Variants in PPP2R2B observed in about 807,000 individuals in gnomAD.
PPP2R2B encodes protein phosphatase 2 regulatory subunit Bbeta, also known as serine/threonine-protein phosphatase 2A 55 kDa regulatory subunit B beta isoform.
PPP2R2B carries 5 observed loss-of-function variants against 46.0 expected under a neutral mutation model. The ratio of observed to expected loss-of-function variants is 0.11; its 90% CI spans 0.06 to 0.23. The LOEUF is 0.23. Among genes scored for constraint, PPP2R2B ranks in the 10% least tolerant of loss-of-function variants. The pLI is 1.00. For missense variants in PPP2R2B, 367 were observed against 575.0 expected (o/e 0.64, Z 3.70); for synonymous variants, 215 against 206.7 (o/e 1.04, Z -0.34).
rs139586199 is a variant in PPP2R2B at position 146,706,558 on chromosome 5, C to T, written c.71-5416G>A. Reference sequence around the variant, plus strand: ...TACTTGGTCTGCTGAAGGGCGGCCTCCAGCTCGGACAGCTTAGCGTTGGCA... The same window carrying T: ...TACTTGGTCTGCTGAAGGGCGGCCTTCAGCTCGGACAGCTTAGCGTTGGCA... On this transcript the variant is annotated intron_variant, in intron 2 of 9. Coordinates refer to ENST00000394411, the MANE Select transcript of PPP2R2B (RefSeq NM_181675.4). 1.1e-3 allele frequency: 1,096 copies of T among 966,974 alleles called. 1 individual carries two copies. The highest frequency in any genetic ancestry group is 1.6e-3 in the Non-Finnish European group (990 of 613,364). The allele number at this position is 966,974 out of a possible 1,614,324, so 59.9% of individuals were successfully genotyped here. A position where few individuals can be genotyped will look rare whatever the true frequency, so the allele number is the denominator to read the frequency against.
In PPP2R2B at chr5:146,738,474, T is replaced by G. The variant is rs182424309; in HGVS notation, c.71-37332A>C. Reference sequence around the variant, plus strand: ...GACTTTAAACGTCATCTTATTTTATTCATAATTTGGTACTAAATTACATAC... The same window carrying G: ...GACTTTAAACGTCATCTTATTTTATGCATAATTTGGTACTAAATTACATAC... On this transcript the variant is annotated intron_variant, in intron 2 of 9. Coordinates refer to ENST00000394411, the MANE Select transcript of PPP2R2B (RefSeq NM_181675.4). Among the ~76,000 whole-genome samples the G allele has an allele frequency of 7.9e-4, 121 of 152,234 alleles. 1 individual carries two copies. In the East Asian group the frequency reaches 0.014, roughly 18 times the overall value.
At chr5:146,906,108 A>ACAGTTTC (rs1762987532) in intron 1 of PPP2R2B, among the ~76,000 whole-genome samples, 1 of 152,096 alleles carries the variant, frequency 6.6e-6, no homozygotes, top group Non-Finnish European at 1.5e-5. Context: ...TCTAGTAAAG[A>ACAGTTTC]TATATTGTCT....
intron 5 of PPP2R2B, among the ~76,000 whole-genome samples, chr5:146,670,561 T>C (rs1777282708): frequency 1.3e-5 from 2 of 152,108 alleles, no homozygotes; most frequent in East Asian, 1.9e-4. Context: ...AGTGGCGCAA[T>C]GTCGGCTCAC....
intron 1 of PPP2R2B, among the ~76,000 whole-genome samples, chr5:147,040,022 A>G (rs1042485654): frequency 2.0e-5 from 3 of 152,146 alleles, no homozygotes; most frequent in African/African-American, 4.8e-5. Context: ...ATCTTATTTC[A>G]TTTGTTGACC....
upstream of PPP2R2B, among the ~76,000 whole-genome samples, chr5:146,883,750 C>A (rs1227227471): frequency 1.3e-5 from 2 of 152,238 alleles, no homozygotes; most frequent in Non-Finnish European, 2.9e-5. Context: ...CATGCTACAA[C>A]ATGTAATGCC....
chr5:146,935,679 G>A (rs1363144505), intron 1 of PPP2R2B, among the ~76,000 whole-genome samples: 1 of 152,066 alleles, frequency 6.6e-6, no homozygotes, highest in African/African-American at 2.4e-5. Context: ...AGTAAAGAGG[G>A]CAAGAAAAGA....
intron 1 of PPP2R2B, chr5:146,917,959 T>A (rs1763453759): frequency 6.6e-6 from 1 of 152,258 alleles, no homozygotes; most frequent in African/African-American, 2.4e-5. Flanking sequence ...CATGTCATTA[T>A]GCAAGCTATC....
intron 1 of PPP2R2B, among the ~76,000 whole-genome samples, chr5:146,960,614 A>T (rs903915150): frequency 2.0e-5 from 3 of 152,180 alleles, no homozygotes; most frequent in Non-Finnish European, 4.4e-5. Context: ...GAAGCACAGT[A>T]ATTAGAATGG....
intron 5 of PPP2R2B, among the ~76,000 whole-genome samples, chr5:146,651,672 G>A (rs1259587754): frequency 1.3e-5 from 2 of 152,166 alleles, no homozygotes; most frequent in Non-Finnish European, 2.9e-5. Context: ...ACACAGGTGT[G>A]GTCACTTAAT....
intron 1 of PPP2R2B, among the ~76,000 whole-genome samples, chr5:146,984,289 C>T (rs1482667932): frequency 6.6e-6 from 1 of 152,310 alleles, no homozygotes; most frequent in Admixed American, 6.5e-5. Context: ...ATTCTACTCT[C>T]TGCTTCTATG....
At chr5:147,000,785 G>C (rs890336485) in intron 1 of PPP2R2B, among the ~76,000 whole-genome samples, 1 of 151,998 alleles carries the variant, frequency 6.6e-6, no homozygotes, top group African/African-American at 2.4e-5. Context: ...TTTTAGCAGT[G>C]AGCACCATCA....
intron 7 of PPP2R2B, among the ~76,000 whole-genome samples, chr5:146,629,614 A>G (rs926548060): frequency 2.0e-5 from 3 of 151,944 alleles, no homozygotes; most frequent in African/African-American, 7.3e-5. Context: ...TTCCCATCTC[A>G]CTTAGAGTGA....
chr5:146,787,033 G>C (rs932470159), intron 2 of PPP2R2B, among the ~76,000 whole-genome samples: 9 of 152,178 alleles, frequency 5.9e-5, no homozygotes, highest in African/African-American at 2.2e-4. Flanking sequence ...GAGAGGTTAA[G>C]GATTTTCCTA....
At chr5:147,074,299 T>A (rs1757694724) in intron 2 of PPP2R2B, among the ~76,000 whole-genome samples, 1 of 152,118 alleles carries the variant, frequency 6.6e-6, no homozygotes, top group Non-Finnish European at 1.5e-5. Context: ...TCCTCTTGAG[T>A]TGTTGATTTA....
intron 2 of PPP2R2B, among the ~76,000 whole-genome samples, chr5:146,812,783 G>A (rs28384073): frequency 6.3e-5 from 1 of 15,766 alleles, no homozygotes; most frequent in African/African-American, 2.6e-4. Context: ...GTGTGTGTGT[G>A]TATATGTGTG....
At chr5:147,067,450 C>G (rs1416496680) in intron 2 of PPP2R2B, among the ~76,000 whole-genome samples, 1 of 152,130 alleles carries the variant, frequency 6.6e-6, no homozygotes, top group Non-Finnish European at 1.5e-5. Context: ...AACATCATGT[C>G]CTCTAGATTC....
intron 1 of PPP2R2B, among the ~76,000 whole-genome samples, chr5:146,918,763 C>T (rs1763486811): frequency 6.6e-6 from 1 of 152,160 alleles, no homozygotes; most frequent in Non-Finnish European, 1.5e-5. Flanking sequence ...CCACTAGTCA[C>T]CTGATTATCT....
chr5:146,733,099 A>G (rs192952769), intron 2 of PPP2R2B, among the ~76,000 whole-genome samples: 181 of 152,370 alleles, frequency 1.2e-3, no homozygotes, highest in Admixed American at 1.9e-3. Flanking sequence ...CTTCTAGGTC[A>G]CCATGAACTC....
At position 146,716,808 on chromosome 5, in the gene PPP2R2B, ATCT is replaced by A. The variant is rs375630041; in HGVS notation, c.71-15669_71-15667del. 3.8e-3 allele frequency among the ~76,000 whole-genome samples: 580 copies of A among 152,302 alleles called. 8 individuals are homozygous for A. The highest frequency in any genetic ancestry group is 0.013 in the African/African-American group (548 of 41,566). On this transcript the variant is annotated intron_variant, in intron 2 of 9. Transcript: ENST00000394411. ...TTAAAACTTCACTAACTTAGCTGGCATCTTCTTATCAGGCATGACTCATTTCTA... is the reference window on the plus strand; with the variant it reads ...TTAAAACTTCACTAACTTAGCTGGCATCTTATCAGGCATGACTCATTTCTA...
Sources: gnomAD v4.1 joint callset for allele counts (sites outside exome capture counted in the v4.1 genomes callset) on GRCh38, gnomAD v4.1.1 for gene constraint, MANE v1.5 for transcripts, NCBI Gene and HGNC (gene_info 2026-07-23, HGNC 2026-07-21) for gene names.